Variants in DENND1B observed in about 807,000 individuals in gnomAD.
DENND1B encodes the protein DENN domain-containing protein 1B.
A neutral mutation model predicts 90.1 loss-of-function variants in DENND1B; 59 were observed. That is an observed-to-expected ratio of 0.65 (90% confidence interval 0.53 to 0.81). The LOEUF (loss-of-function observed/expected upper bound fraction) is 0.81, where lower values mean the gene tolerates loss of function less well. Ranked by LOEUF, DENND1B falls within the 40% of genes least tolerant of loss-of-function variation. The probability of loss-of-function intolerance (pLI) is 0.00; values close to 1 mark genes in which losing one functional copy is unlikely to be tolerated. For synonymous variants in DENND1B, 337 were observed against 324.6 expected, an observed-to-expected ratio of 1.04 and a Z score of -0.41; for missense variants, 862 against 912.6, an observed-to-expected ratio of 0.94 and a Z score of 0.71.
At chr1:197,701,891 A>G (rs549476679) in intron 3 of DENND1B, among the ~76,000 whole-genome samples, 2 of 152,312 alleles carry the variant, frequency 1.3e-5, no homozygotes, top group South Asian at 4.1e-4. Flanking sequence ...CATTACTTTT[A>G]TAATTCTTAC....
chr1:197,511,061 C>A, intron 22 of DENND1B, 89 bp from the exon 23 acceptor site: 2 of 1,253,668 alleles, frequency 1.6e-6, no homozygotes, highest in South Asian at 2.2e-5. Flanking sequence ...ATGTTAATAG[C>A]GTTAAGTTCC....
At chr1:197,518,565 T>C (rs1461945248) in intron 20 of DENND1B, among the ~76,000 whole-genome samples, 2 of 151,958 alleles carry the variant, frequency 1.3e-5, no homozygotes, top group Non-Finnish European at 2.9e-5. Flanking sequence ...TGGCAAGTTT[T>C]CTTGGGCTTA....
At chr1:197,643,235 A>T (rs1295181324) in intron 9 of DENND1B, among the ~76,000 whole-genome samples, 2 of 151,502 alleles carry the variant, frequency 1.3e-5, no homozygotes, top group African/African-American at 2.4e-5. Flanking sequence ...GCTCATTGCA[A>T]CCTCCGCCTC....
chr1:197,767,412 AGAATTC>A (rs1655832447), intron 2 of DENND1B, among the ~76,000 whole-genome samples: 1 of 152,160 alleles, frequency 6.6e-6, no homozygotes, highest in Non-Finnish European at 1.5e-5. Context: ...GAGGACACTA[AGAATTC>A]TTTGGCTTAA....
intron 15 of DENND1B, among the ~76,000 whole-genome samples, chr1:197,578,822 A>G (rs1041318607): frequency 6.6e-6 from 1 of 152,162 alleles, no homozygotes; most frequent in Non-Finnish European, 1.5e-5. Context: ...CATGTACCCT[A>G]AAACTTAAAG....
At position 197,506,999 on chromosome 1, in the gene DENND1B, T is replaced by C. The variant is rs1362798370; in HGVS notation, c.*3461A>G. 2.6e-5 allele frequency: 4 copies of C among 151,254 alleles called. No individual in the cohort carries two copies. Among genetic ancestry groups the C allele is most frequent in the African/African-American group, 4.8e-5 (2 of 41,336 alleles). The allele number at this position is 151,254 out of a possible 1,614,324, so 9.4% of individuals were successfully genotyped here. A position where few individuals can be genotyped will look rare whatever the true frequency, so the allele number is the denominator to read the frequency against. On this transcript the variant is annotated 3_prime_UTR_variant, in exon 23 of 23. Transcript: ENST00000620048. ...TGGGTATCTTAGCAGCATAATATAC[T>C]TAGCATAATAATTGAGAAAGTTAAT...
At chr1:197,682,499 A>C (rs1656794640) in intron 3 of DENND1B, among the ~76,000 whole-genome samples, 1 of 152,224 alleles carries the variant, frequency 6.6e-6, no homozygotes, top group Non-Finnish European at 1.5e-5. Context: ...TTCACTTTGC[A>C]AATATTTAAT....
intron 2 of DENND1B, among the ~76,000 whole-genome samples, chr1:197,725,647 T>C (rs1161800381): frequency 6.6e-6 from 1 of 150,640 alleles, no homozygotes; most frequent in Non-Finnish European, 1.5e-5. Flanking sequence ...AAAAAAAAAG[T>C]TATATTTGTT....
chr1:197,616,699 T>G (rs995840358), intron 11 of DENND1B, among the ~76,000 whole-genome samples: 4 of 151,150 alleles, frequency 2.6e-5, no homozygotes, highest in African/African-American at 9.7e-5. Flanking sequence ...TCCTTAATAC[T>G]TTCTGCCTTT....
At chr1:197,678,979 C>A (rs188093121) in intron 3 of DENND1B, among the ~76,000 whole-genome samples, 1 of 151,998 alleles carries the variant, frequency 6.6e-6, no homozygotes. Flanking sequence ...CTATTTTACC[C>A]CTCCTCCTTA....
intron 3 of DENND1B, among the ~76,000 whole-genome samples, chr1:197,678,687 T>A (rs962177056): frequency 3.0e-4 from 45 of 152,148 alleles, no homozygotes; most frequent in Non-Finnish European, 3.5e-4. Context: ...ATGCATTTTA[T>A]AGGGAGAATT....
chr1:197,720,467 G>A (rs981659293), intron 2 of DENND1B, among the ~76,000 whole-genome samples: 4 of 151,594 alleles, frequency 2.6e-5, no homozygotes, highest in Non-Finnish European at 4.4e-5. Context: ...TCTTGAACTC[G>A]TGGGCTCAGG....
At chr1:197,750,161 T>C (rs1653279079) in intron 2 of DENND1B, among the ~76,000 whole-genome samples, 2 of 152,182 alleles carry the variant, frequency 1.3e-5, no homozygotes, top group Non-Finnish European at 2.9e-5. Context: ...TTTTCTTTCA[T>C]ATAGAAAAAA....
chr1:197,670,488 G>A (rs1458924904), intron 5 of DENND1B, among the ~76,000 whole-genome samples: 1 of 29,626 alleles, frequency 3.4e-5, no homozygotes, highest in African/African-American at 1.4e-4. Flanking sequence ...TGTGTGTATT[G>A]AGAGAGAAAG....
intron 2 of DENND1B, among the ~76,000 whole-genome samples, chr1:197,766,800 A>G (rs1655755125): frequency 6.6e-6 from 1 of 151,894 alleles, no homozygotes; most frequent in Admixed American, 6.6e-5. Context: ...TTTATTTTTT[A>G]TTTTTTAGAG....
chr1:197,736,837 T>C (rs1571557600), intron 2 of DENND1B, among the ~76,000 whole-genome samples: 1 of 152,330 alleles, frequency 6.6e-6, no homozygotes, highest in East Asian at 1.9e-4. Flanking sequence ...TTCAGATTTT[T>C]GTTATACCAC....
At chr1:197,653,877 CA>C (rs1653517040) in intron 6 of DENND1B, among the ~76,000 whole-genome samples, 1 of 152,002 alleles carries the variant, frequency 6.6e-6, no homozygotes. Flanking sequence ...TTCACAAAAA[CA>C]AAGAACAAGA....
chr1:197,714,745 A>G (rs1660471958), intron 3 of DENND1B, among the ~76,000 whole-genome samples: 1 of 152,126 alleles, frequency 6.6e-6, no homozygotes, highest in African/African-American at 2.4e-5. Flanking sequence ...TTTCAAATAT[A>G]TAGTCTATAG....
intron 10 of DENND1B, among the ~76,000 whole-genome samples, chr1:197,639,056 C>T (rs1324207027): frequency 6.7e-6 from 1 of 149,770 alleles, no homozygotes; most frequent in Non-Finnish European, 1.5e-5. Context: ...AACTTTTCAT[C>T]TTTTAAAGGT....
Sources: allele counts gnomAD v4.1 joint callset (sites outside exome capture counted in the v4.1 genomes callset), GRCh38; gene constraint gnomAD v4.1.1; transcripts MANE v1.5; gene names NCBI Gene and HGNC (gene_info 2026-07-23, HGNC 2026-07-21).